Variants in DCC observed in about 807,000 individuals in gnomAD.
The protein encoded by DCC is netrin receptor DCC.
Under a neutral mutation model 172.5 loss-of-function variants are expected in DCC, and 58 were observed. That is an observed-to-expected ratio of 0.34 (90% CI 0.27 to 0.42). DCC has a LOEUF of 0.42. Ranked by LOEUF, DCC falls within the 10% of genes least tolerant of loss-of-function variation. The pLI, the probability that DCC is intolerant of heterozygous loss-of-function variation, is 1.00. For missense variants in DCC, 1,740 were observed against 1,791.0 expected (o/e 0.97, Z 0.51); for synonymous variants, 709 against 644.5 (o/e 1.10, Z -1.52).
In DCC at chr18:53,377,618, A is replaced by T. The variant is rs564312844; in HGVS notation, c.2360-8425A>T. Among the ~76,000 whole-genome samples, 8 of 152,340 alleles carry T rather than the reference A, an allele frequency of 5.3e-5. No individual in the cohort carries two copies. In the East Asian group the frequency reaches 1.5e-3, roughly 29 times the overall value. ...GCAATCACCTACCTATAAAAAGAGG[A>T]CACTCATCTATTCAATAAATATTTA... is the stretch of plus-strand genomic sequence containing the variant. On this transcript the variant is annotated intron_variant, in intron 15 of 28. Coordinates refer to ENST00000442544, the MANE Select transcript of DCC (RefSeq NM_005215.4).
At chr18:53,036,780 G>A (rs1288599446) in intron 5 of DCC, among the ~76,000 whole-genome samples, 3 of 152,028 alleles carry the variant, frequency 2.0e-5, no homozygotes, top group Admixed American at 2.0e-4. Context: ...AAAAGGAAGT[G>A]TTCAGAGTAG....
intron 1 of DCC, among the ~76,000 whole-genome samples, chr18:52,496,841 C>A (rs911929346): frequency 6.6e-6 from 1 of 151,712 alleles, no homozygotes; most frequent in East Asian, 1.9e-4. Flanking sequence ...ATTTTAAAAT[C>A]TTTAAAAAAT....
In DCC at chr18:52,923,781, G is replaced by C. The variant is rs537417676; in HGVS notation, c.772G>C (p.Val258Leu). 1.7e-5 allele frequency: 27 copies of C among 1,612,640 alleles called. 1 individual carries two copies. The South Asian group carries it at 3.0e-4, about 18-fold the overall frequency. Residue 258 changes from valine (V) to leucine (L), a missense_variant, in exon 4 of 29, where the codon GTC becomes CTC. Around this residue, in one of 2 missense-constraint regions of DCC, gnomAD observed 1,732 missense variants for 1,767.4 expected, o/e 0.98. Coordinates refer to ENST00000442544, the MANE Select transcript of DCC (RefSeq NM_005215.4). ...AGTAGCCATTGAAGGAAAAGATGCT[G>C]TCCTGGAATGTTGTGTTTCTGGCTA... Reference protein sequence around the residue: ...NVVAIEGKDAVLECCVSGYPP... With the variant: ...NVVAIEGKDALLECCVSGYPP...
At chr18:53,516,409 A>G (rs2046334288) in intron 27 of DCC, among the ~76,000 whole-genome samples, 1 of 145,796 alleles carries the variant, frequency 6.9e-6, no homozygotes, top group African/African-American at 2.8e-5. Context: ...TCATGTCGAA[A>G]ACACCAAAAG....
intron 22 of DCC, among the ~76,000 whole-genome samples, chr18:53,438,137 T>G (rs1912065892): frequency 6.6e-6 from 1 of 152,192 alleles, no homozygotes; most frequent in South Asian, 2.1e-4. Context: ...AAGAAGCTAT[T>G]TCTACAAGGA....
At position 53,322,840 on chromosome 18, in the gene DCC, A is replaced by C. The variant is rs111733066; in HGVS notation, c.2164+683A>C. Among the ~76,000 whole-genome samples the C allele has an allele frequency of 5.6e-3, 850 of 151,988 alleles. 6 individuals are homozygous for C. Among genetic ancestry groups the C allele is most frequent in the Admixed American group, 0.024 (373 of 15,284 alleles). The stretch of plus-strand genomic sequence containing the variant: ...GGGTAATGAAGTGACAGAATAAAAC[A>C]TTAAATAATAAAGCAGAAATATATA... On this transcript the variant is annotated intron_variant, in intron 14 of 28. Coordinates refer to ENST00000442544, the MANE Select transcript of DCC (RefSeq NM_005215.4).
chr18:52,631,069 C>A (rs966447447), intron 1 of DCC, among the ~76,000 whole-genome samples: 9 of 152,170 alleles, frequency 5.9e-5, no homozygotes, highest in Non-Finnish European at 8.8e-5. Context: ...CCATCAGCAC[C>A]TATTCGGAGG....
At chr18:53,239,530 A>G (rs2056257521) in intron 12 of DCC, among the ~76,000 whole-genome samples, 1 of 152,176 alleles carries the variant, frequency 6.6e-6, no homozygotes, top group South Asian at 2.1e-4. Context: ...CGGAGCAGAG[A>G]CAGAAATGAG....
intron 1 of DCC, among the ~76,000 whole-genome samples, chr18:52,749,583 T>A (rs1404962224): frequency 6.6e-6 from 1 of 152,146 alleles, no homozygotes; most frequent in Non-Finnish European, 1.5e-5. Context: ...TTATAAAGAG[T>A]ACAAAAAGCT....
At chr18:53,299,483 A>G (rs1165041456) in intron 12 of DCC, among the ~76,000 whole-genome samples, 2 of 151,854 alleles carry the variant, frequency 1.3e-5, no homozygotes, top group Non-Finnish European at 2.9e-5. Flanking sequence ...ACCATTCCCA[A>G]CCCCTCCGTG....
chr18:52,382,761 G>C (rs779606193), intron 1 of DCC, among the ~76,000 whole-genome samples: 2 of 152,046 alleles, frequency 1.3e-5, no homozygotes, highest in Non-Finnish European at 2.9e-5. Flanking sequence ...GAACACAGGA[G>C]ACAGAGTAAA....
chr18:53,238,479 C>G (rs2056236747), intron 12 of DCC, among the ~76,000 whole-genome samples: 1 of 151,974 alleles, frequency 6.6e-6, no homozygotes, highest in African/African-American at 2.4e-5. Flanking sequence ...GATGAAGAAA[C>G]AAAGAATCAG....
intron 7 of DCC, among the ~76,000 whole-genome samples, chr18:53,156,703 A>C (rs935169129): frequency 6.6e-6 from 1 of 152,116 alleles, no homozygotes; most frequent in South Asian, 2.1e-4. Flanking sequence ...AAAAATGCCA[A>C]TAGGTTATCT....
chr18:53,130,779 A>G (rs1349882237), intron 7 of DCC, among the ~76,000 whole-genome samples: 1 of 151,946 alleles, frequency 6.6e-6, no homozygotes, highest in Non-Finnish European at 1.5e-5. Flanking sequence ...CTGCTGAAAA[A>G]CATTCTCTAC....
At chr18:53,146,554 C>T (rs1002750856) in intron 7 of DCC, among the ~76,000 whole-genome samples, 4 of 152,226 alleles carry the variant, frequency 2.6e-5, no homozygotes, top group African/African-American at 9.6e-5. Flanking sequence ...CATCCCAATA[C>T]TGTTGCATTG....
At chr18:53,189,286 A>G (rs2055332678) in intron 9 of DCC, among the ~76,000 whole-genome samples, 1 of 152,134 alleles carries the variant, frequency 6.6e-6, no homozygotes, top group African/African-American at 2.4e-5. Flanking sequence ...AGATATTGGC[A>G]TTAGTGTCTG....
chr18:52,809,551 C>G (rs112373484), intron 2 of DCC: 1 of 153,284 alleles, frequency 6.5e-6, no homozygotes, highest in African/African-American at 2.4e-5. Context: ...GAGCCTTTAG[C>G]CATATCGGGA....
intron 1 of DCC, among the ~76,000 whole-genome samples, chr18:52,363,195 G>A (rs1415170106): frequency 6.6e-6 from 1 of 152,132 alleles, no homozygotes; most frequent in Non-Finnish European, 1.5e-5. Flanking sequence ...CCTTTCTAGG[G>A]ATAAACTTTG....
At chr18:53,289,517 A>G (rs777604118) in intron 12 of DCC, among the ~76,000 whole-genome samples, 2 of 152,146 alleles carry the variant, frequency 1.3e-5, no homozygotes, top group South Asian at 2.1e-4. Context: ...GAAAGAATCA[A>G]TCATGTTCTT....
Sources: gnomAD v4.1 joint callset for allele counts (sites outside exome capture counted in the v4.1 genomes callset) on GRCh38, gnomAD v4.1.1 for gene constraint, gnomAD v4.1.1 regional missense constraint, MANE v1.5 for transcripts, NCBI Gene and HGNC (gene_info 2026-07-23, HGNC 2026-07-21) for gene names.